ANXA7: variants seen among roughly 807,000 people sequenced by gnomAD.
ANXA7 encodes annexin VII.
A neutral mutation model predicts 64.9 loss-of-function variants in ANXA7; 55 were observed. The observed-to-expected ratio is 0.85, with a 90% CI of 0.68 to 1.06. ANXA7 has a LOEUF of 1.06. Among genes scored for constraint, ANXA7 ranks in the 50% least tolerant of loss-of-function variants. The pLI is 0.00. For synonymous variants in ANXA7, 200 were observed against 192.4 expected (o/e 1.04, Z -0.33); for missense variants, 548 against 582.1 (o/e 0.94, Z 0.60).
At chr10:73,387,923 C>G in intron 6 of ANXA7, 140 bp from the exon 7 acceptor site, 4 of 662,368 alleles carry the variant, frequency 6.0e-6, no homozygotes, top group Non-Finnish European at 1.0e-5. Context: ...GTGATCTAGG[C>G]TGACTGCAAT....
intron 1 of ANXA7, among the ~76,000 whole-genome samples, chr10:73,413,347 C>T (rs1478470798): frequency 6.6e-6 from 1 of 152,182 alleles, no homozygotes; most frequent in Non-Finnish European, 1.5e-5. Flanking sequence ...TTACGGCAGT[C>T]GGAAGACAAC....
chr10:73,400,970 G>T, intron 1 of ANXA7, 113 bp from the exon 2 acceptor site: 1 of 798,294 alleles, frequency 1.3e-6, no homozygotes, highest in Non-Finnish European at 1.8e-6. Context: ...GCAGTGGCGT[G>T]ATTTTGGCTC....
At chr10:73,377,930 T>TGTGTGTGTGTGTGCGCGC (rs542289005) in intron 12 of ANXA7, among the ~76,000 whole-genome samples, 2 of 142,498 alleles carry the variant, frequency 1.4e-5, no homozygotes, top group African/African-American at 5.6e-5. Context: ...TGTGTGTGTG[T>TGTGTGTGTGTGTGCGCGC]GCGCGCGCGT....
chr10:73,390,130 A>C (rs1389875282), intron 5 of ANXA7, among the ~76,000 whole-genome samples: 1 of 152,258 alleles, frequency 6.6e-6, no homozygotes, highest in Non-Finnish European at 1.5e-5. Context: ...TATTTAATCC[A>C]ATACCTCCAA....
At chr10:73,381,530 A>T (rs1160106109) in intron 9 of ANXA7, 1 of 152,208 alleles carries the variant, frequency 6.6e-6, no homozygotes. Context: ...CACAAGGAAT[A>T]CGTAGAGGCA....
chr10:73,404,636 C>G (rs922153831), intron 1 of ANXA7, among the ~76,000 whole-genome samples: 1 of 152,022 alleles, frequency 6.6e-6, no homozygotes, highest in South Asian at 2.1e-4. Flanking sequence ...ATTCATTACA[C>G]TCTCCTGTCC....
intron 1 of ANXA7, among the ~76,000 whole-genome samples, chr10:73,412,637 G>GC (rs1491567974): frequency 6.6e-6 from 1 of 151,512 alleles, no homozygotes; most frequent in African/African-American, 2.4e-5. Context: ...GGGATTACAG[G>GC]CGCGCGCCAC....
intron 1 of ANXA7, among the ~76,000 whole-genome samples, chr10:73,403,160 T>C (rs2055699088): frequency 6.6e-6 from 1 of 152,136 alleles, no homozygotes; most frequent in African/African-American, 2.4e-5. Flanking sequence ...TCTTTTATTA[T>C]GGCCAACACC....
chr10:73,382,319 A>ATCTCAT (rs112178920), intron 9 of ANXA7, among the ~76,000 whole-genome samples: 23,051 of 151,860 alleles, frequency 0.15, 2,797 homozygotes, highest in African/African-American at 0.32. Context: ...CACCTTCATC[A>ATCTCAT]TCTAAGTGTG....
intron 5 of ANXA7, among the ~76,000 whole-genome samples, chr10:73,394,798 A>G (rs564007964): frequency 6.6e-6 from 1 of 152,356 alleles, no homozygotes; most frequent in South Asian, 2.1e-4. Flanking sequence ...AACATGGCAC[A>G]TGTATACATA....
intron 2 of ANXA7, among the ~76,000 whole-genome samples, chr10:73,399,313 T>C (rs1338337224): frequency 6.6e-6 from 1 of 152,196 alleles, no homozygotes; most frequent in Non-Finnish European, 1.5e-5. Context: ...GAGTTGTCTG[T>C]TTTAGCAATT....
chr10:73,407,500 A>T (rs746964585), intron 1 of ANXA7, among the ~76,000 whole-genome samples: 1 of 152,210 alleles, frequency 6.6e-6, no homozygotes, highest in Non-Finnish European at 1.5e-5. Flanking sequence ...TGGATTCTGC[A>T]GGTCTGTGAT....
chr10:73,404,707 C>CCT (rs2055724683), intron 1 of ANXA7, among the ~76,000 whole-genome samples: 1 of 139,048 alleles, frequency 7.2e-6, no homozygotes, highest in Non-Finnish European at 1.5e-5. Context: ...GACAAATATC[C>CCT]CTATATATAT....
Position 73,380,083 on chromosome 10 carries a change from A to G in ANXA7, c.1037T>C (p.Leu346Pro). ...GTDESCFNMI[L>P]ATRSFPQLRA... ...CAGCTGAGGAAAGCTTCTTGTGGCA[A>G]GGATCATGTTAAAGCAAGATTCATC... is the stretch of plus-strand genomic sequence containing the variant. Residue 346 changes from leucine to proline, a missense_variant, in exon 10 of 13, where the codon CTT becomes CCT. By Grantham distance (98) the Leu-to-Pro change is moderately conservative. Transcript: ENST00000372921. The G allele has an allele frequency of 6.2e-7, 1 of 1,614,202 alleles. No homozygotes were observed. The highest frequency in any genetic ancestry group is 8.5e-7 in the Non-Finnish European group (1 of 1,180,036).
rs200262714 is a variant in ANXA7, at chr10:73,383,597, T to C, written c.727A>G (p.Ser243Gly). The part of the protein sequence containing the change: ...FMPPTYYDAW[S>G]LRKAMQGAGT... ...AGTACCTGCATTGCTTTCCGTAAGC[T>C]CCAGGCATCGTAATACGTAGGAGGC... Residue 243 changes from serine (S) to glycine (G), a missense_variant, in exon 8 of 13, where the codon AGC becomes GGC. Transcript: ENST00000372921. 1.1e-5 allele frequency: 17 copies of C among 1,612,656 alleles called. No individual in the cohort carries two copies. The highest frequency in any genetic ancestry group is 1.4e-5 in the Non-Finnish European group (16 of 1,178,886).
rs113353955 is a variant in ANXA7 at position 73,383,430 on chromosome 10, G to C, written c.748-85C>G. On this transcript the variant is annotated intron_variant, in intron 8 of 12. Coordinates refer to ENST00000372921, the MANE Select transcript of ANXA7 (RefSeq NM_001156.5). ...TCTTCGTCAAATATTTCTTTGTTCT[G>C]TAGAACTAAAAACTATATATTCAGA... 6.9e-4 allele frequency: 963 copies of C among 1,391,740 alleles called. 4 individuals are homozygous for C. The African/African-American group carries it at 8.9e-3, about 13-fold the overall frequency. The allele number at this position is 1,391,740 out of a possible 1,614,324, so 86.2% of individuals were successfully genotyped here.
Position 73,383,261 on chromosome 10 carries a change from G to T in ANXA7, c.832C>A (p.Gln278Lys). The T allele has an allele frequency of 1.2e-6, 2 of 1,614,030 alleles. No homozygotes were observed. The highest frequency in any genetic ancestry group is 1.7e-6 in the Non-Finnish European group (2 of 1,179,966). The change falls in exon 9 of 13, where the codon CAG becomes AAG. Residue 278 changes from glutamine (Q) to lysine (K), a missense_variant. Transcript: ENST00000372921. Reference protein sequence around the residue: ...QEIREIVRCYQSEFGRDLEKD... With the variant: ...QEIREIVRCYKSEFGRDLEKD... The stretch of plus-strand genomic sequence containing the variant: ...TCAAGGTCTCGTCCAAATTCTGACT[G>T]ATAACATCTGACAATTTCTCGGATT...
chr10:73,378,814 A>T (rs2055227058), intron 12 of ANXA7, 97 bp downstream of exon 12: 2 of 855,156 alleles, frequency 2.3e-6, no homozygotes, highest in East Asian at 2.6e-5. Context: ...GCTCTTTCTT[A>T]TCATTTTTGA....
chr10:73,379,693 A>G, intron 11 of ANXA7, 186 bp downstream of exon 11: 2 of 636,476 alleles, frequency 3.1e-6, no homozygotes, highest in Non-Finnish European at 2.8e-6. Flanking sequence ...GTAAAAACAC[A>G]GGACTGTTTC....
Sources: allele counts gnomAD v4.1 joint callset (sites outside exome capture counted in the v4.1 genomes callset), GRCh38; gene constraint gnomAD v4.1.1; transcripts MANE v1.5; gene names NCBI Gene and HGNC (gene_info 2026-07-23, HGNC 2026-07-21).